EXOC7: variants seen among roughly 807,000 people sequenced by gnomAD.
EXOC7 encodes exocyst complex component Exo70.
Under a neutral mutation model 87.6 loss-of-function variants are expected in EXOC7, and 51 were observed. That is an observed-to-expected ratio of 0.58 (90% CI 0.46 to 0.73). The LOEUF is 0.73. Ranked by LOEUF, EXOC7 falls within the 30% of genes least tolerant of loss-of-function variation. The pLI is 0.00. For synonymous variants in EXOC7, 327 were observed against 357.1 expected, an observed-to-expected ratio of 0.92 and a Z score of 0.95; for missense variants, 744 against 888.4, an observed-to-expected ratio of 0.84 and a Z score of 2.07.
At chr17:76,100,633 C>CA (rs34141633) in intron 4 of EXOC7, among the ~76,000 whole-genome samples, 18,116 of 130,820 alleles carry the variant, frequency 0.14, 2,896 homozygotes, top group African/African-American at 0.4. Context: ...AACTCCATCT[C>CA]AAAAAAAAAA....
At position 76,081,568 on chromosome 17, in the gene EXOC7, C is replaced by G. The variant is rs770861935; in HGVS notation, c.*2080G>C. 5.0e-5 allele frequency: 81 copies of G among 1,613,712 alleles called. No homozygotes were observed. The highest frequency in any genetic ancestry group is 6.7e-5 in the Non-Finnish European group (79 of 1,180,058). On this transcript the variant is annotated 3_prime_UTR_variant, in exon 19 of 19. Transcript: ENST00000589210. The stretch of plus-strand genomic sequence containing the variant: ...AGCTGAGGCTGAAGAACACGGCGCT[C>G]AAGTCCATCATCGCTCTCTTGGTGC...
At position 76,103,767 on chromosome 17, in the gene EXOC7, C is replaced by T. The variant is rs183596560; in HGVS notation, c.-75G>A. 2 of 1,490,866 alleles carry T rather than the reference C, an allele frequency of 1.3e-6. No homozygotes were observed. The highest frequency in any genetic ancestry group is 2.8e-5 in the African/African-American group (2 of 71,644). 92.4% of individuals were successfully genotyped at this position (1,490,866 alleles called of 1,614,324 possible). On this transcript the variant is annotated 5_prime_UTR_variant, in exon 1 of 19. It adds an upstream start codon to the 5' untranslated region. Coordinates refer to ENST00000589210, the MANE Select transcript of EXOC7 (RefSeq NM_001013839.4). The stretch of plus-strand genomic sequence containing the variant: ...CCACCGGGCCCCCGTCCCCGTCACA[C>T]CCACTTCCGCTCTTGGTCCCGCCCC...
At position 76,094,595 on chromosome 17, in the gene EXOC7, G is replaced by C. The variant is rs374911805; in HGVS notation, c.641-14C>G. On this transcript the variant is annotated splice_polypyrimidine_tract_variant and intron_variant, in intron 5 of 18. Coordinates refer to ENST00000589210, the MANE Select transcript of EXOC7 (RefSeq NM_001013839.4). The stretch of plus-strand genomic sequence containing the variant: ...CGTTCATGAAATCTGAGGAGACACA[G>C]AGGGATAGAGGTACGGCTGCCAGGC... 7 of 1,606,234 alleles carry C rather than the reference G, an allele frequency of 4.4e-6. No homozygotes were observed. The highest frequency in any genetic ancestry group is 5.1e-6 in the Non-Finnish European group (6 of 1,175,272).
At chr17:76,089,043 G>A (rs529978623) in intron 8 of EXOC7, 120 bp from the exon 9 acceptor site, 1 of 1,474,588 alleles carries the variant, frequency 6.8e-7, no homozygotes, top group Admixed American at 1.7e-5. Flanking sequence ...TGACGGGGAG[G>A]TGGTGAGCGT....
chr17:76,082,760 G>A lies in EXOC7; in HGVS notation c.*888C>T, dbSNP rs1474220867. On this transcript the variant is annotated 3_prime_UTR_variant, in exon 19 of 19. Coordinates refer to ENST00000589210, the MANE Select transcript of EXOC7 (RefSeq NM_001013839.4). ...TTAAGCCACCCTGAGCTCTCCCTCC[G>A]CTAGCACACAAGCACAGAGCGTGAA... 39 of 1,097,814 alleles carry A rather than the reference G, an allele frequency of 3.6e-5. No individual in the cohort carries two copies. The highest frequency in any genetic ancestry group is 2.1e-4 in the South Asian group (12 of 57,658). 68.0% of individuals were successfully genotyped at this position (1,097,814 alleles called of 1,614,324 possible). A position where few individuals can be genotyped will look rare whatever the true frequency, so the allele number is the denominator to read the frequency against.
At chr17:76,086,938 CA>C in intron 12 of EXOC7, 1 of 1,522,904 alleles carries the variant, frequency 6.6e-7, no homozygotes, top group South Asian at 1.2e-5. Flanking sequence ...GAGGGAGAGA[CA>C]AAGGAGGGAG....
At position 76,097,597 on chromosome 17, in the gene EXOC7, G is replaced by A. The variant is rs563644216; in HGVS notation, c.640+199C>T. Among the ~76,000 whole-genome samples, 12 of 150,944 alleles carry A rather than the reference G, an allele frequency of 7.9e-5. No homozygotes were observed. In the South Asian group the frequency reaches 1.5e-3, roughly 19 times the overall value. On this transcript the variant is annotated intron_variant, in intron 5 of 18. Transcript: ENST00000589210. ...CATGCGCCAGTAATCCCAGCTACTC[G>A]GGAGGCTGAGGCAGGAGAATCGCTG... is the stretch of plus-strand genomic sequence containing the variant.
At chr17:76,102,367 G>C (rs2068104333) in intron 2 of EXOC7, among the ~76,000 whole-genome samples, 1 of 151,916 alleles carries the variant, frequency 6.6e-6, no homozygotes, top group African/African-American at 2.4e-5. Context: ...TTGAGACTAG[G>C]AGTTCAAGAC....
Position 76,082,344 on chromosome 17 carries a change from C to A in EXOC7, c.*1304G>T. 1 of 1,149,222 alleles carries A rather than the reference C, an allele frequency of 8.7e-7. No homozygotes were observed. Among genetic ancestry groups the A allele is most frequent in the Non-Finnish European group, 1.2e-6 (1 of 820,816 alleles). 71.2% of individuals were successfully genotyped at this position (1,149,222 alleles called of 1,614,324 possible). ...CTGAAATGGGCCAGACCCAAATTTT[C>A]ATCAGCTGAGAATCTAAGAAAGGAA... On this transcript the variant is annotated 3_prime_UTR_variant, in exon 19 of 19. Transcript: ENST00000589210.
Position 76,081,677 on chromosome 17 carries a change from T to C in EXOC7, c.*1971A>G, listed in dbSNP as rs755330617. ...TGAGCGCATAGGCTACAAGGTGACA[T>C]TGCTGCTGAGTTACCTCGTCCTCCA... is the stretch of plus-strand genomic sequence containing the variant. On this transcript the variant is annotated 3_prime_UTR_variant, in exon 19 of 19. Coordinates refer to ENST00000589210, the MANE Select transcript of EXOC7 (RefSeq NM_001013839.4). The C allele has an allele frequency of 1.9e-6, 3 of 1,614,112 alleles. No individual in the cohort carries two copies. The highest frequency in any genetic ancestry group is 2.2e-5 in the East Asian group (1 of 44,886).
chr17:76,089,190 G>C lies in EXOC7; in HGVS notation c.1032C>G (p.Phe344Leu). ...IIPEHHQKKT[F>L]DSLIQDALDG... Reference sequence around the variant, plus strand: ...GGGGCGGGACCTGTATCAGGGAGTCGAAGGTCTTCTTCTGGTGGTGCTCGG... The same window carrying C: ...GGGGCGGGACCTGTATCAGGGAGTCCAAGGTCTTCTTCTGGTGGTGCTCGG... Residue 344 changes from phenylalanine to leucine, a missense_variant, in exon 8 of 19, where the codon TTC (phenylalanine) becomes TTG (leucine). Around this residue, in one of 3 missense-constraint regions of EXOC7, gnomAD observed 512 missense variants for 573.0 expected, o/e 0.89. Transcript: ENST00000589210. The C allele has an allele frequency of 6.2e-7, 1 of 1,613,650 alleles. No homozygotes were observed. The highest frequency in any genetic ancestry group is 8.5e-7 in the Non-Finnish European group (1 of 1,179,998).
Position 76,083,572 on chromosome 17 carries a change from C to G in EXOC7, c.*76G>C. On this transcript the variant is annotated 3_prime_UTR_variant, in exon 19 of 19. Coordinates refer to ENST00000589210, the MANE Select transcript of EXOC7 (RefSeq NM_001013839.4). ...CAGAGGACTTCAAGCTCACCCAGCC[C>G]AGAGGCAAGCTAACACTGGTTTATC... The G allele has an allele frequency of 6.8e-7, 1 of 1,476,460 alleles. No individual in the cohort carries two copies. Among genetic ancestry groups the G allele is most frequent in the Non-Finnish European group, 9.5e-7 (1 of 1,056,900 alleles). The allele number at this position is 1,476,460 out of a possible 1,614,324, so 91.5% of individuals were successfully genotyped here. A position where few individuals can be genotyped will look rare whatever the true frequency, so the allele number is the denominator to read the frequency against.
chr17:76,101,911 A>G, intron 2 of EXOC7, 48 bp from the exon 3 acceptor site: 1 of 1,508,738 alleles, frequency 6.6e-7, no homozygotes, highest in Non-Finnish European at 9.0e-7. Context: ...TGGTCCCAGC[A>G]CTGCTTCTAC....
At chr17:76,096,637 A>C (rs1350020314) in intron 5 of EXOC7, among the ~76,000 whole-genome samples, 1 of 151,440 alleles carries the variant, frequency 6.6e-6, no homozygotes, top group Non-Finnish European at 1.5e-5. Context: ...GTGCACTCTC[A>C]CTGTAACCTC....
chr17:76,087,353 G>A, intron 12 of EXOC7: 1 of 470,750 alleles, frequency 2.1e-6, no homozygotes, highest in Non-Finnish European at 3.8e-6. Flanking sequence ...GATTTGGGAG[G>A]GGGGCAGGGG....
chr17:76,095,755 A>T (rs2067718714), intron 5 of EXOC7, among the ~76,000 whole-genome samples: 1 of 152,204 alleles, frequency 6.6e-6, no homozygotes, highest in African/African-American at 2.4e-5. Context: ...GTATCTTCAG[A>T]CACTTACACC....
Position 76,101,689 on chromosome 17 carries a change from T to A in EXOC7, c.301A>T (p.Ile101Phe). 1 of 1,612,936 alleles carries A rather than the reference T, an allele frequency of 6.2e-7. No homozygotes were observed. The highest frequency in any genetic ancestry group is 8.5e-7 in the Non-Finnish European group (1 of 1,179,306). ...YHVASDTEKIIREGPTGRLEE... is the reference protein window; with the variant it reads ...YHVASDTEKIFREGPTGRLEE... ...GCCTCACTCACTCACCCCTCTCTGA[T>A]GATCTTCTCAGTGTCACTGGCCACA... The change falls in exon 3 of 19, where the codon ATC (isoleucine) becomes TTC (phenylalanine). Residue 101 changes from isoleucine (I) to phenylalanine (F), a missense_variant. By Grantham distance (21) the Ile-to-Phe change is conservative (BLOSUM62 0). Coordinates refer to ENST00000589210, the MANE Select transcript of EXOC7 (RefSeq NM_001013839.4).
chr17:76,085,395 TG>T lies in EXOC7; in HGVS notation c.1630del (p.Gln544SerfsTer5). 1 of 1,610,192 alleles carries T rather than the reference TG, an allele frequency of 6.2e-7. No homozygotes were observed. Among genetic ancestry groups the T allele is most frequent in the Non-Finnish European group, 8.5e-7 (1 of 1,179,050 alleles). ...LKSLEKSELI[Q>X]LVAVTQKTAE... ...AGTCTTCTGTGTCACTGCCACCAGC[TG>T]GATCAGTTCAGACCTGGGTCGGGGT... On this transcript the variant is annotated frameshift_variant, in exon 15 of 19. Coordinates refer to ENST00000589210, the MANE Select transcript of EXOC7 (RefSeq NM_001013839.4). LOFTEE classifies it high-confidence loss of function.
At chr17:76,098,456 C>T (rs1598342394) in intron 4 of EXOC7, among the ~76,000 whole-genome samples, 1 of 151,944 alleles carries the variant, frequency 6.6e-6, no homozygotes, top group African/African-American at 2.4e-5. Flanking sequence ...TCCTTTAACC[C>T]AAAGAAGAAA....
Sources: allele counts gnomAD v4.1 joint callset (sites outside exome capture counted in the v4.1 genomes callset), GRCh38; gene constraint gnomAD v4.1.1; regional missense constraint gnomAD v4.1.1; transcripts MANE v1.5; gene names NCBI Gene and HGNC (gene_info 2026-07-23, HGNC 2026-07-21).